Variants in PPM1H observed in about 807,000 individuals in gnomAD.
The protein encoded by PPM1H is protein phosphatase, Mg2+/Mn2+ dependent 1H.
A neutral mutation model predicts 54.9 loss-of-function variants in PPM1H; 27 were observed. The observed-to-expected ratio is 0.49, with a 90% CI of 0.36 to 0.68. The LOEUF is 0.68. Among genes scored for constraint, PPM1H ranks in the 30% least tolerant of loss-of-function variants. The pLI, the probability that PPM1H is intolerant of heterozygous loss-of-function variation, is 0.00. For missense variants in PPM1H, 596 were observed against 667.8 expected (o/e 0.89, Z 1.19); for synonymous variants, 305 against 270.8 (o/e 1.13, Z -1.24).
chr12:62,822,450 T>A (rs886427282), intron 2 of PPM1H, among the ~76,000 whole-genome samples: 1 of 152,172 alleles, frequency 6.6e-6, no homozygotes, highest in Non-Finnish European at 1.5e-5. Context: ...AGACTATACA[T>A]TCTTCTCAGC....
intron 1 of PPM1H, among the ~76,000 whole-genome samples, chr12:62,902,848 T>A (rs1018767111): frequency 6.6e-6 from 1 of 152,188 alleles, no homozygotes; most frequent in African/African-American, 2.4e-5. Context: ...GAGGCCCTAC[T>A]CTAGATGGAG....
At position 62,693,951 on chromosome 12, in the gene PPM1H, A is replaced by G. The variant is rs1399536656; in HGVS notation, c.1122T>C (p.Tyr374=). ...ACGTGCCTACCTTCTTGCCTTCTCC[A>G]TATATAAGGGGGAACTTCAAGTCCT... The part of the protein sequence containing the change: ...EDEDLKFPLI[Y]GEGKKARVMA... The change falls in exon 7 of 10, where the codon TAT becomes TAC. Residue 374 remains tyrosine (Y), a synonymous_variant. Transcript: ENST00000228705. The G allele has an allele frequency of 6.2e-7, 1 of 1,612,870 alleles. No individual in the cohort carries two copies. Among genetic ancestry groups the G allele is most frequent in the Admixed American group, 1.7e-5 (1 of 59,910 alleles).
chr12:62,658,284 C>A lies in PPM1H; in HGVS notation c.1397+8894G>T, dbSNP rs1268642977. 1.1e-4 allele frequency among the ~76,000 whole-genome samples: 16 copies of A among 146,364 alleles called. No homozygotes were observed. In the Admixed American group the frequency reaches 1.1e-3, roughly 10 times the overall value. On this transcript the variant is annotated intron_variant, in intron 9 of 9. Coordinates refer to ENST00000228705, the MANE Select transcript of PPM1H (RefSeq NM_020700.2). ...TAGAGCAAAGCCTGCACAGTTTTGCCTGGGCACTGGGAATGTGAATCCATG... is the reference window on the plus strand; with the variant it reads ...TAGAGCAAAGCCTGCACAGTTTTGCATGGGCACTGGGAATGTGAATCCATG...
chr12:62,790,678 G>T (rs1434729301), intron 3 of PPM1H, among the ~76,000 whole-genome samples: 1 of 152,152 alleles, frequency 6.6e-6, no homozygotes. Flanking sequence ...AAGAGATTGC[G>T]GGAGGGGAAC....
chr12:62,669,052 G>A lies in PPM1H; in HGVS notation c.1246-1723C>T, dbSNP rs946131489. On this transcript the variant is annotated intron_variant, in intron 8 of 9. Transcript: ENST00000228705. ...GCTAATGGCCCAGCACATGAGCTGC[G>A]CTCAAGGGAGGAACACTCAGGAGTA... 3.9e-5 allele frequency among the ~76,000 whole-genome samples: 6 copies of A among 152,230 alleles called. No individual in the cohort carries two copies. In the East Asian group the frequency reaches 1.2e-3, roughly 29 times the overall value.
At chr12:62,865,826 T>A (rs1469284604) in intron 1 of PPM1H, among the ~76,000 whole-genome samples, 1 of 152,172 alleles carries the variant, frequency 6.6e-6, no homozygotes, top group Non-Finnish European at 1.5e-5. Context: ...AGGTTTCTCT[T>A]TCTAGGTAAA....
rs1378401970 is a variant in PPM1H, at chr12:62,934,576, A to G, written c.161T>C (p.Val54Ala). 1 of 1,559,312 alleles carries G rather than the reference A, an allele frequency of 6.4e-7. No individual in the cohort carries two copies. Among genetic ancestry groups the G allele is most frequent in the East Asian group, 2.4e-5 (1 of 41,290 alleles). ...PEFLGLSQDE[V>A]ECSADHIARP... ...GGCGATGTGGTCGGCGCTGCACTCC[A>G]CCTCGTCCTGAGACAGCCCCAGGAA... The change falls in exon 1 of 10, where the codon GTG (valine) becomes GCG (alanine). Residue 54 changes from valine to alanine, a missense_variant. This residue lies in a region of PPM1H where 382 missense variants were observed against 387.1 expected (regional missense o/e 0.99). Transcript: ENST00000228705. This position sits in a 1 kb window ranked among gnomAD's most constrained non-coding sequence, Gnocchi z 4.2.
intron 4 of PPM1H, among the ~76,000 whole-genome samples, chr12:62,747,785 G>A (rs1452012367): frequency 1.3e-5 from 2 of 152,318 alleles, no homozygotes; most frequent in Non-Finnish European, 2.9e-5. Context: ...ATGGCATGGA[G>A]ACAATAGGCA....
chr12:62,913,299 G>C (rs1040643603), intron 1 of PPM1H, among the ~76,000 whole-genome samples: 2 of 152,208 alleles, frequency 1.3e-5, no homozygotes, highest in Admixed American at 1.3e-4. Flanking sequence ...TCGTGGACTA[G>C]AGAGTGAGCA....
intron 9 of PPM1H, among the ~76,000 whole-genome samples, chr12:62,657,160 G>T (rs1189978941): frequency 6.6e-6 from 1 of 152,166 alleles, no homozygotes; most frequent in African/African-American, 2.4e-5. Flanking sequence ...ACACAAAGCT[G>T]CAGACTGGAG....
At chr12:62,876,347 C>G (rs1258491111) in intron 1 of PPM1H, among the ~76,000 whole-genome samples, 1 of 152,116 alleles carries the variant, frequency 6.6e-6, no homozygotes, top group African/African-American at 2.4e-5. Flanking sequence ...AAACCTTAGG[C>G]TTCATTGATG....
intron 1 of PPM1H, among the ~76,000 whole-genome samples, chr12:62,903,435 C>G (rs1392476716): frequency 2.6e-5 from 4 of 152,144 alleles, no homozygotes; most frequent in Admixed American, 6.5e-5. Context: ...GCAATCTCAT[C>G]CTCCATATTT....
intron 4 of PPM1H, among the ~76,000 whole-genome samples, chr12:62,747,141 C>CTTT (rs59711942): frequency 1.4e-5 from 2 of 144,594 alleles, no homozygotes; most frequent in African/African-American, 5.1e-5. Flanking sequence ...GGTTTTTTTT[C>CTTT]TTTTTTTTTT....
intron 2 of PPM1H, among the ~76,000 whole-genome samples, chr12:62,819,888 G>A (rs1473263608): frequency 2.0e-5 from 3 of 152,168 alleles, no homozygotes; most frequent in Non-Finnish European, 2.9e-5. Context: ...TCTGCATTTC[G>A]AACTGAGGTA....
chr12:62,673,283 G>A (rs2075966585), intron 8 of PPM1H, among the ~76,000 whole-genome samples: 1 of 152,154 alleles, frequency 6.6e-6, no homozygotes, highest in Admixed American at 6.5e-5. Context: ...TTACACAGGA[G>A]CCTGTGACAA....
rs900394949 is a variant in PPM1H, at chr12:62,669,861, C to T, written c.1246-2532G>A. 1.1e-4 allele frequency among the ~76,000 whole-genome samples: 16 copies of T among 151,218 alleles called. 1 individual carries two copies. Among genetic ancestry groups the T allele is most frequent in the Admixed American group, 8.6e-4 (13 of 15,186 alleles). On this transcript the variant is annotated intron_variant, in intron 8 of 9. Coordinates refer to ENST00000228705, the MANE Select transcript of PPM1H (RefSeq NM_020700.2). ...GGCTGAGGCAGGAGAATTGCTTGAA[C>T]CCAGGATTTTGAGGCTGTGGTGAGC...
intron 1 of PPM1H, among the ~76,000 whole-genome samples, chr12:62,842,259 T>C (rs1456581761): frequency 6.6e-6 from 1 of 152,222 alleles, no homozygotes; most frequent in Non-Finnish European, 1.5e-5. Context: ...AAAGTTCTGC[T>C]TTTCTAAAGA....
At chr12:62,832,365 C>G (rs1592623939) in intron 1 of PPM1H, 86 bp from the exon 2 acceptor site, 1 of 1,304,026 alleles carries the variant, frequency 7.7e-7, no homozygotes, top group East Asian at 2.5e-5. Flanking sequence ...AAGACAGTCT[C>G]TACAACTGGC....
intron 1 of PPM1H, among the ~76,000 whole-genome samples, chr12:62,887,726 G>C (rs537444933): frequency 6.6e-6 from 1 of 152,310 alleles, no homozygotes; most frequent in South Asian, 2.1e-4. Flanking sequence ...CTGCATTGGG[G>C]GAAGGGTAGA....
Sources: allele counts gnomAD v4.1 joint callset (sites outside exome capture counted in the v4.1 genomes callset), GRCh38; gene constraint gnomAD v4.1.1; regional missense constraint gnomAD v4.1.1; non-coding constraint Gnocchi (gnomAD v3.1); transcripts MANE v1.5; gene names NCBI Gene and HGNC (gene_info 2026-07-23, HGNC 2026-07-21).